PSMD1: variants seen among roughly 807,000 people sequenced by gnomAD.
The protein encoded by PSMD1 is 26S proteasome non-ATPase regulatory subunit 1.
In PSMD1, 18 loss-of-function variants were observed where a neutral mutation model predicts 119.0. The observed-to-expected ratio is 0.15, with a 90% CI of 0.10 to 0.22. PSMD1 has a LOEUF of 0.22. Ranked by LOEUF, PSMD1 falls within the 10% of genes least tolerant of loss-of-function variation. PSMD1 has a pLI of 1.00. For missense variants in PSMD1, 702 were observed against 1,158.5 expected (o/e 0.61, Z 5.72); for synonymous variants, 374 against 396.6 (o/e 0.94, Z 0.68).
At position 231,138,810 on chromosome 2, in the gene PSMD1, C is replaced by T; in HGVS notation, c.1958C>T (p.Ala653Val). 6.2e-7 allele frequency: 1 copy of T among 1,614,114 alleles called. No homozygotes were observed. The highest frequency in any genetic ancestry group is 8.5e-7 in the Non-Finnish European group (1 of 1,180,010). Residue 653 changes from alanine (A) to valine (V), a missense_variant, in exon 17 of 25, where the codon GCA becomes GTA. Coordinates refer to ENST00000308696, the MANE Select transcript of PSMD1 (RefSeq NM_002807.4). ...AACCCTCATGTGCGCTACGGAGCTG[C>T]AATGGCCTTGGGGATATGCTGTGCT... ...SYNPHVRYGA[A>V]MALGICCAGT...
At chr2:231,142,274 A>C (rs796751228) in intron 17 of PSMD1, among the ~76,000 whole-genome samples, 4 of 152,268 alleles carry the variant, frequency 2.6e-5, no homozygotes, top group African/African-American at 7.2e-5. Context: ...TTTACTAGAG[A>C]TGTCATTGGG....
At chr2:231,152,149 G>A (rs1696390800) in intron 18 of PSMD1, among the ~76,000 whole-genome samples, 1 of 152,046 alleles carries the variant, frequency 6.6e-6, no homozygotes, top group Non-Finnish European at 1.5e-5. Flanking sequence ...GGGGAATTTA[G>A]TGATGATTTA....
At chr2:231,120,333 T>C (rs1482930555) in intron 16 of PSMD1, among the ~76,000 whole-genome samples, 5 of 152,240 alleles carry the variant, frequency 3.3e-5, no homozygotes, top group Non-Finnish European at 1.5e-5. Context: ...CTGTCTTTTT[T>C]ATATCAGCAT....
intron 18 of PSMD1, among the ~76,000 whole-genome samples, chr2:231,149,734 G>A (rs930267330): frequency 1.4e-4 from 22 of 152,268 alleles, no homozygotes; most frequent in African/African-American, 5.1e-4. Flanking sequence ...GTAAGTAGTA[G>A]TCTATTACCA....
At chr2:231,118,256 T>C (rs1695411766) in intron 16 of PSMD1, among the ~76,000 whole-genome samples, 1 of 152,138 alleles carries the variant, frequency 6.6e-6, no homozygotes, top group South Asian at 2.1e-4. Context: ...TACTATTGTT[T>C]AACAGAAACT....
intron 16 of PSMD1, among the ~76,000 whole-genome samples, chr2:231,106,575 G>A (rs924238989): frequency 5.9e-5 from 9 of 151,972 alleles, no homozygotes; most frequent in Admixed American, 3.3e-4. Flanking sequence ...CCAAGATTGC[G>A]CCACTGCACT....
chr2:231,128,230 A>T (rs1695771404), intron 16 of PSMD1, among the ~76,000 whole-genome samples: 2 of 152,262 alleles, frequency 1.3e-5, no homozygotes, highest in Admixed American at 1.3e-4. Context: ...TCATGGAGAT[A>T]TATTAATGAA....
At chr2:231,078,514 A>G in intron 9 of PSMD1, 145 bp from the exon 10 acceptor site, 1 of 462,002 alleles carries the variant, frequency 2.2e-6, no homozygotes, top group Non-Finnish European at 3.7e-6. Flanking sequence ...TCTTTATAAA[A>G]GAAATACCCA....
intron 19 of PSMD1, 104 bp from the exon 20 acceptor site, chr2:231,161,236 T>C: frequency 8.9e-7 from 1 of 1,128,072 alleles, no homozygotes; most frequent in Non-Finnish European, 1.2e-6. Context: ...ACCCTATCTC[T>C]TTAAAAAAAA....
intron 24 of PSMD1, among the ~76,000 whole-genome samples, chr2:231,171,549 ATTTTTTTT>A (rs568576394): frequency 8.5e-6 from 1 of 117,274 alleles, no homozygotes; most frequent in Admixed American, 8.8e-5. Flanking sequence ...TTTTCAGACA[ATTTTTTTT>A]TTTTTTTTTT....
chr2:231,070,383 G>T (rs529739884), intron 6 of PSMD1, among the ~76,000 whole-genome samples: 1 of 152,128 alleles, frequency 6.6e-6, no homozygotes, highest in East Asian at 1.9e-4. Context: ...CTATTTTGTT[G>T]TAACACATTC....
intron 17 of PSMD1, among the ~76,000 whole-genome samples, chr2:231,142,152 G>T (rs1430423548): frequency 6.6e-6 from 1 of 151,968 alleles, no homozygotes; most frequent in African/African-American, 2.4e-5. Context: ...CAAAGTGCTG[G>T]GATTATAGGC....
Position 231,165,257 on chromosome 2 carries a change from G to GA in PSMD1, c.2546dup (p.Glu850GlyfsTer9), listed in dbSNP as rs2125270915. 2 of 1,602,944 alleles carry GA rather than the reference G, an allele frequency of 1.2e-6. No individual in the cohort carries two copies. The highest frequency in any genetic ancestry group is 8.5e-7 in the Non-Finnish European group (1 of 1,173,010). On this transcript the variant is annotated frameshift_variant, in exon 22 of 25. Coordinates refer to ENST00000308696, the MANE Select transcript of PSMD1 (RefSeq NM_002807.4). LOFTEE classifies it high-confidence loss of function. ...GGCTAAAAAGAAGGAAAAAGAAAAGGAAAAAAAGGAGGAGGAGAAAATGGA... is the reference window on the plus strand; with the variant it reads ...GGCTAAAAAGAAGGAAAAAGAAAAGGAAAAAAAAGGAGGAGGAGAAAATGGA...
intron 16 of PSMD1, among the ~76,000 whole-genome samples, chr2:231,092,258 A>G (rs1694614755): frequency 6.6e-6 from 1 of 152,126 alleles, no homozygotes. Context: ...CCTTAATACC[A>G]TGATACTAGT....
rs1392088470 is a variant in PSMD1, at chr2:231,080,227, T to A, written c.1326T>A (p.Gly442=). ...SPGSAYQEGG[G]LYALGLIHAN... ...GATCAGCCTATCAGGAAGGTGGAGG[T>A]CTCTATGCACTAGGTCTTATTCATG... The change falls in exon 12 of 25, where the codon GGT becomes GGA. Residue 442 remains glycine (G), a synonymous_variant. Coordinates refer to ENST00000308696, the MANE Select transcript of PSMD1 (RefSeq NM_002807.4). 1 of 1,612,958 alleles carries A rather than the reference T, an allele frequency of 6.2e-7. No homozygotes were observed. The highest frequency in any genetic ancestry group is 1.7e-5 in the Admixed American group (1 of 59,998).
rs1227294230 is a variant in PSMD1, at chr2:231,126,952, A to G, written c.1884-11784A>G. Among the ~76,000 whole-genome samples, 72 of 152,220 alleles carry G rather than the reference A, an allele frequency of 4.7e-4. 3 individuals are homozygous for G. Among genetic ancestry groups the G allele is most frequent in the Admixed American group, 4.7e-3 (72 of 15,298 alleles). On this transcript the variant is annotated intron_variant, in intron 16 of 24. Coordinates refer to ENST00000308696, the MANE Select transcript of PSMD1 (RefSeq NM_002807.4). ...CAGCAAATAACTAAACCTGTGCTCTAAAACCCTAAGCACTTTAAGTAGAAA... is the reference window on the plus strand; with the variant it reads ...CAGCAAATAACTAAACCTGTGCTCTGAAACCCTAAGCACTTTAAGTAGAAA...
At chr2:231,164,065 A>T (rs1277821185) in intron 21 of PSMD1, among the ~76,000 whole-genome samples, 2 of 152,104 alleles carry the variant, frequency 1.3e-5, no homozygotes, top group African/African-American at 2.4e-5. Context: ...ATGTATACAG[A>T]TCTCATTTTT....
intron 16 of PSMD1, among the ~76,000 whole-genome samples, chr2:231,089,267 C>T (rs969808797): frequency 2.6e-5 from 4 of 152,162 alleles, no homozygotes; most frequent in African/African-American, 9.7e-5. Context: ...TAGCTAAGAT[C>T]ATTGATGAAG....
chr2:231,074,019 A>G (rs1045354065), intron 7 of PSMD1, among the ~76,000 whole-genome samples: 1 of 151,592 alleles, frequency 6.6e-6, no homozygotes, highest in Non-Finnish European at 1.5e-5. Flanking sequence ...TTTTTTTTCT[A>G]TATTGGCTAG....
Sources: gnomAD v4.1 joint callset for allele counts (sites outside exome capture counted in the v4.1 genomes callset) on GRCh38, gnomAD v4.1.1 for gene constraint, MANE v1.5 for transcripts, NCBI Gene and HGNC (gene_info 2026-07-23, HGNC 2026-07-21) for gene names.